ARHGAP26: variants seen among roughly 807,000 people sequenced by gnomAD.
The protein encoded by ARHGAP26 is Rho GTPase activating protein 26.
Under a neutral mutation model 104.8 loss-of-function variants are expected in ARHGAP26, and 38 were observed. That is an observed-to-expected ratio of 0.36 (90% confidence interval 0.28 to 0.48). The LOEUF (loss-of-function observed/expected upper bound fraction) is 0.48. ARHGAP26 is among the 20% of genes least tolerant of loss of function. The probability of loss-of-function intolerance (pLI) is 0.99; values close to 1 mark genes in which losing one functional copy is unlikely to be tolerated. For synonymous variants in ARHGAP26, 341 were observed against 340.0 expected, an observed-to-expected ratio of 1.00 and a Z score of -0.03; for missense variants, 704 against 947.9, an observed-to-expected ratio of 0.74 and a Z score of 3.38.
chr5:142,963,106 C>G (rs1239273094), intron 11 of ARHGAP26, among the ~76,000 whole-genome samples: 1 of 150,064 alleles, frequency 6.7e-6, no homozygotes, highest in Non-Finnish European at 1.5e-5. Context: ...CCAGCTCCAT[C>G]CATCTTCCCA....
chr5:142,942,506 T>C (rs1766513220), intron 11 of ARHGAP26, among the ~76,000 whole-genome samples: 1 of 152,210 alleles, frequency 6.6e-6, no homozygotes, highest in Non-Finnish European at 1.5e-5. Flanking sequence ...GGTGACAAAG[T>C]CACAAGTACT....
intron 17 of ARHGAP26, among the ~76,000 whole-genome samples, chr5:143,059,559 C>G (rs1786384585): frequency 6.6e-6 from 1 of 152,174 alleles, no homozygotes; most frequent in Admixed American, 6.5e-5. Flanking sequence ...CTTTTCCCAC[C>G]CTTTCCCCCT....
chr5:143,014,221 G>T (rs1779281965), intron 12 of ARHGAP26, 105 bp downstream of exon 12: 1 of 1,347,684 alleles, frequency 7.4e-7, no homozygotes, highest in Non-Finnish European at 1.1e-6. Context: ...GGGCGTGTTG[G>T]GTTGGCTCCA....
chr5:143,032,425 G>A (rs771858586), intron 12 of ARHGAP26, among the ~76,000 whole-genome samples: 1 of 152,202 alleles, frequency 6.6e-6, no homozygotes, highest in Non-Finnish European at 1.5e-5. Context: ...AGAGATTATT[G>A]CTGGAGATTA....
intron 11 of ARHGAP26, among the ~76,000 whole-genome samples, chr5:142,993,745 T>C (rs1227558374): frequency 6.6e-6 from 1 of 152,220 alleles, no homozygotes; most frequent in Non-Finnish European, 1.5e-5. Flanking sequence ...GGGGTCAAGC[T>C]ATCCTACTGC....
intron 14 of ARHGAP26, among the ~76,000 whole-genome samples, chr5:143,047,192 C>T (rs1784358046): frequency 6.6e-6 from 1 of 152,114 alleles, no homozygotes; most frequent in Non-Finnish European, 1.5e-5. Flanking sequence ...GGTAAATATC[C>T]CCATAGAGGC....
At chr5:142,885,532 C>A in intron 5 of ARHGAP26, 133 bp downstream of exon 5, 1 of 689,894 alleles carries the variant, frequency 1.4e-6, no homozygotes, top group Non-Finnish European at 2.4e-6. Flanking sequence ...TGCTCCTGAT[C>A]CCTCATCCAG....
intron 1 of ARHGAP26, among the ~76,000 whole-genome samples, chr5:142,778,673 GATT>G (rs1756856392): frequency 6.6e-6 from 1 of 152,174 alleles, no homozygotes; most frequent in Non-Finnish European, 1.5e-5. Flanking sequence ...GTGCTGCAGT[GATT>G]ATTTGCACAC....
At chr5:142,832,694 A>G (rs901084761) in intron 1 of ARHGAP26, among the ~76,000 whole-genome samples, 29 of 152,198 alleles carry the variant, frequency 1.9e-4, no homozygotes, top group African/African-American at 6.8e-4. Context: ...CTTTTGGTCA[A>G]AATGTAAGAG....
At chr5:143,186,809 A>G (rs568379225) in intron 20 of ARHGAP26, among the ~76,000 whole-genome samples, 2 of 152,334 alleles carry the variant, frequency 1.3e-5, no homozygotes, top group East Asian at 1.9e-4. Context: ...GACAGGAAGT[A>G]ATCCTAGAAT....
In ARHGAP26 at chr5:142,846,158, C is replaced by G. The variant is rs147883902; in HGVS notation, c.155-27242C>G. Among the ~76,000 whole-genome samples, 44 of 152,330 alleles carry G rather than the reference C, an allele frequency of 2.9e-4. No individual in the cohort carries two copies. The East Asian group carries it at 3.5e-3, about 12-fold the overall frequency. ...CACCATTGTCTGCTCACATTTATAG[C>G]TGACTCATGTTGAGTTATATGCCAG... is the stretch of plus-strand genomic sequence containing the variant. On this transcript the variant is annotated intron_variant, in intron 1 of 22. Coordinates refer to ENST00000645722, the MANE Select transcript of ARHGAP26 (RefSeq NM_001135608.3).
intron 18 of ARHGAP26, among the ~76,000 whole-genome samples, chr5:143,128,991 G>A (rs964242166): frequency 6.6e-6 from 1 of 152,134 alleles, no homozygotes; most frequent in Non-Finnish European, 1.5e-5. Context: ...TAAATTGCAG[G>A]CGCATGTGAC....
At chr5:143,181,227 A>G (rs1804301962) in intron 20 of ARHGAP26, among the ~76,000 whole-genome samples, 4 of 152,194 alleles carry the variant, frequency 2.6e-5, no homozygotes, top group African/African-American at 4.8e-5. Context: ...TGATGGCCCC[A>G]TGGATACTAT....
chr5:142,936,501 T>A (rs1598308582), intron 11 of ARHGAP26, among the ~76,000 whole-genome samples: 1 of 152,160 alleles, frequency 6.6e-6, no homozygotes, highest in South Asian at 2.1e-4. Context: ...CAGCAAGATT[T>A]CTTATAGATA....
At chr5:142,813,362 G>A (rs541844122) in intron 1 of ARHGAP26, among the ~76,000 whole-genome samples, 1 of 152,298 alleles carries the variant, frequency 6.6e-6, no homozygotes, top group South Asian at 2.1e-4. Flanking sequence ...AGCACTCAGT[G>A]GCCTGATAGG....
chr5:143,068,557 G>T (rs1322933766), intron 17 of ARHGAP26, among the ~76,000 whole-genome samples: 1 of 152,154 alleles, frequency 6.6e-6, no homozygotes, highest in Non-Finnish European at 1.5e-5. Context: ...TGCTTGAGTA[G>T]TTTCTCCCTC....
At chr5:143,086,750 C>A (rs1252496143) in intron 17 of ARHGAP26, among the ~76,000 whole-genome samples, 10 of 152,194 alleles carry the variant, frequency 6.6e-5, no homozygotes, top group Non-Finnish European at 8.8e-5. Flanking sequence ...TCTTGTCCAG[C>A]CTAAGTCCAC....
intron 1 of ARHGAP26, among the ~76,000 whole-genome samples, chr5:142,857,694 A>G (rs1247609099): frequency 6.6e-6 from 1 of 152,038 alleles, no homozygotes; most frequent in Non-Finnish European, 1.5e-5. Context: ...CTCTGGGAAC[A>G]GTTTCCTGCT....
At chr5:142,927,283 A>C (rs1357345942) in intron 10 of ARHGAP26, among the ~76,000 whole-genome samples, 2 of 151,836 alleles carry the variant, frequency 1.3e-5, no homozygotes, top group Non-Finnish European at 2.9e-5. Context: ...CTGTCACTCC[A>C]GGAGATACCC....
Sources: gnomAD v4.1 joint callset for allele counts (sites outside exome capture counted in the v4.1 genomes callset) on GRCh38, gnomAD v4.1.1 for gene constraint, MANE v1.5 for transcripts, NCBI Gene and HGNC (gene_info 2026-07-23, HGNC 2026-07-21) for gene names.